VAV3: variants seen among roughly 807,000 people sequenced by gnomAD.
VAV3 encodes guanine nucleotide exchange factor VAV3.
VAV3 carries 94 observed loss-of-function variants against 131.2 expected under a neutral mutation model. That is an observed-to-expected ratio of 0.72 (90% CI 0.61 to 0.85). The LOEUF (loss-of-function observed/expected upper bound fraction) is 0.85. VAV3 is among the 40% of genes least tolerant of loss of function. The pLI is 0.00. For missense variants in VAV3, 939 were observed against 1,002.7 expected (o/e 0.94, Z 0.86); for synonymous variants, 349 against 342.0 (o/e 1.02, Z -0.22).
At chr1:107,944,256 T>C (rs1674141437) in intron 1 of VAV3, among the ~76,000 whole-genome samples, 1 of 152,182 alleles carries the variant, frequency 6.6e-6, no homozygotes, top group Non-Finnish European at 1.5e-5. Context: ...GTGGTAAGCC[T>C]CTCCCTTGGA....
At chr1:107,877,950 G>A (rs1256068925) in intron 1 of VAV3, among the ~76,000 whole-genome samples, 1 of 152,172 alleles carries the variant, frequency 6.6e-6, no homozygotes, top group Non-Finnish European at 1.5e-5. Flanking sequence ...CTGAGGAATA[G>A]AGGAAGTGAG....
Position 107,624,414 on chromosome 1 carries a change from GAA to G in VAV3, c.1915-6784_1915-6783del, listed in dbSNP as rs1293336660. On this transcript the variant is annotated intron_variant, in intron 20 of 26. Coordinates refer to ENST00000370056, the MANE Select transcript of VAV3 (RefSeq NM_006113.5). ...TGTGTGTGTGTGTGTGTGTGTGTGT[GAA>G]AGAAACAAGAGAATACCTTTAATGA... is the stretch of plus-strand genomic sequence containing the variant. 1.5e-3 allele frequency among the ~76,000 whole-genome samples: 208 copies of G among 138,886 alleles called. 1 individual carries two copies. Among genetic ancestry groups the G allele is most frequent in the African/African-American group, 5.3e-3 (203 of 38,054 alleles). The allele number at this position is 138,886 out of a possible 152,430, so 91.1% of individuals were successfully genotyped here. A position where few individuals can be genotyped will look rare whatever the true frequency, so the allele number is the denominator to read the frequency against.
At chr1:107,731,515 A>G (rs1374125109) in intron 15 of VAV3, among the ~76,000 whole-genome samples, 1 of 152,192 alleles carries the variant, frequency 6.6e-6, no homozygotes, top group Non-Finnish European at 1.5e-5. Flanking sequence ...GATAGGTTCT[A>G]TTTGGGCCCA....
intron 15 of VAV3, among the ~76,000 whole-genome samples, chr1:107,720,048 A>C (rs1193650613): frequency 1.3e-5 from 2 of 152,156 alleles, no homozygotes; most frequent in African/African-American, 4.8e-5. Context: ...ATCACACACC[A>C]GGCCCTGTCG....
At chr1:107,872,234 G>A (rs915094707) in intron 2 of VAV3, among the ~76,000 whole-genome samples, 1 of 152,118 alleles carries the variant, frequency 6.6e-6, no homozygotes, top group African/African-American at 2.4e-5. Flanking sequence ...TCTGAAGAAT[G>A]TCTTCACAAG....
rs149082499 is a variant in VAV3 at position 107,831,232 on chromosome 1, T to C, written c.321+43669A>G. Among the ~76,000 whole-genome samples, 525 of 152,270 alleles carry C rather than the reference T, an allele frequency of 3.4e-3. 3 individuals are homozygous for C. The highest frequency in any genetic ancestry group is 0.012 in the African/African-American group (497 of 41,564). ...TTAAATTGTTTTTATAAACAATACA[T>C]GAAAAAATATGTGGAAAATACTTTA... On this transcript the variant is annotated intron_variant, in intron 2 of 26. Coordinates refer to ENST00000370056, the MANE Select transcript of VAV3 (RefSeq NM_006113.5).
intron 17 of VAV3, among the ~76,000 whole-genome samples, chr1:107,702,629 T>C (rs1350178946): frequency 7.3e-6 from 1 of 136,442 alleles, no homozygotes; most frequent in Non-Finnish European, 1.6e-5. Context: ...ACTAGGAATT[T>C]TCAATGATTT....
chr1:107,637,504 T>A (rs1008452746), intron 20 of VAV3, among the ~76,000 whole-genome samples: 2 of 152,100 alleles, frequency 1.3e-5, no homozygotes, highest in African/African-American at 4.8e-5. Context: ...TCACCTGTAA[T>A]CCCAGCTACT....
chr1:107,860,716 A>C (rs1488303833), intron 2 of VAV3, among the ~76,000 whole-genome samples: 2 of 151,668 alleles, frequency 1.3e-5, no homozygotes, highest in Non-Finnish European at 2.9e-5. Context: ...GAAAGAACTG[A>C]GGAGACGACG....
intron 2 of VAV3, among the ~76,000 whole-genome samples, chr1:107,787,784 G>A (rs550057491): frequency 1.3e-5 from 2 of 152,302 alleles, no homozygotes; most frequent in African/African-American, 4.8e-5. Flanking sequence ...AGGTCATTGA[G>A]CAAATTTTTT....
intron 15 of VAV3, among the ~76,000 whole-genome samples, chr1:107,720,659 C>A (rs1381796703): frequency 6.6e-6 from 1 of 152,126 alleles, no homozygotes; most frequent in Non-Finnish European, 1.5e-5. Context: ...GCCTGCACAA[C>A]AAGAGCAAAA....
chr1:107,808,612 G>C (rs1389537150), intron 2 of VAV3, among the ~76,000 whole-genome samples: 2 of 152,042 alleles, frequency 1.3e-5, no homozygotes, highest in African/African-American at 4.8e-5. Flanking sequence ...GCCCTCACAA[G>C]TCACCTTCAA....
intron 19 of VAV3, among the ~76,000 whole-genome samples, chr1:107,680,755 T>C (rs946041806): frequency 2.8e-4 from 43 of 152,196 alleles, no homozygotes; most frequent in African/African-American, 9.9e-4. Context: ...CAACGTAAGG[T>C]AGGTCCTCTT....
chr1:107,596,327 G>C lies in VAV3; in HGVS notation c.2235C>G (p.Tyr745Ter). 4.3e-6 allele frequency: 7 copies of C among 1,611,604 alleles called. No individual in the cohort carries two copies. The highest frequency in any genetic ancestry group is 5.9e-6 in the Non-Finnish European group (7 of 1,178,986). ...CTTCCTTGAGAGAATGATGCTTGTA[G>C]TACTCCACAAGTTCCTTTGGAAAAA... is the stretch of plus-strand genomic sequence containing the variant. ...KFKSLMELVE[Y>*]YKHHSLKEGF... Residue 745 changes from tyrosine (Y) to a stop codon, truncating the protein, a stop_gained, in exon 25 of 27, where the codon TAC (tyrosine) becomes TAG (stop). Coordinates refer to ENST00000370056, the MANE Select transcript of VAV3 (RefSeq NM_006113.5). LOFTEE classifies it high-confidence loss of function.
chr1:107,740,777 GT>G (rs1662973891), intron 15 of VAV3, among the ~76,000 whole-genome samples: 1 of 152,184 alleles, frequency 6.6e-6, no homozygotes, highest in East Asian at 1.9e-4. Flanking sequence ...AACCACTAGT[GT>G]TTTACTGGAA....
intron 1 of VAV3, among the ~76,000 whole-genome samples, chr1:107,956,846 G>GGATAAACA (rs1674839409): frequency 6.6e-6 from 1 of 151,998 alleles, no homozygotes; most frequent in African/African-American, 2.4e-5. Context: ...GTAACAAGTT[G>GGATAAACA]AATTTTACCA....
intron 17 of VAV3, among the ~76,000 whole-genome samples, chr1:107,696,737 G>A (rs990722520): frequency 2.0e-5 from 3 of 152,112 alleles, no homozygotes; most frequent in African/African-American, 7.2e-5. Context: ...CAATTTGGCT[G>A]TTGAAATGAT....
chr1:107,722,929 G>C (rs934975956), intron 15 of VAV3, among the ~76,000 whole-genome samples: 1 of 130,816 alleles, frequency 7.6e-6, no homozygotes, highest in African/African-American at 2.9e-5. Context: ...GTTCATTCTT[G>C]AGGACCCAGC....
chr1:107,868,219 CAA>C (rs1313106706), intron 2 of VAV3, among the ~76,000 whole-genome samples: 2 of 152,120 alleles, frequency 1.3e-5, no homozygotes, highest in African/African-American at 4.8e-5. Context: ...GGAAATACTT[CAA>C]GAGAGAAACA....
Sources: gnomAD v4.1 joint callset for allele counts (sites outside exome capture counted in the v4.1 genomes callset) on GRCh38, gnomAD v4.1.1 for gene constraint, MANE v1.5 for transcripts, NCBI Gene and HGNC (gene_info 2026-07-23, HGNC 2026-07-21) for gene names.